The following TMEM130 variants were observed in gnomAD, a reference collection of about 807,000 sequenced individuals.
The protein encoded by TMEM130 is transmembrane protein 130.
In TMEM130, 37 loss-of-function variants were observed where a neutral mutation model predicts 42.9. The observed-to-expected ratio is 0.86, with a 90% CI of 0.66 to 1.13. TMEM130 has a LOEUF of 1.13. TMEM130 is among the 50% of genes most tolerant of loss of function. The pLI is 0.00. For synonymous variants in TMEM130, 259 were observed against 237.7 expected (o/e 1.09, Z -0.82); for missense variants, 545 against 562.6 (o/e 0.97, Z 0.32).
chr7:98,860,376 G>T (rs782541302), intron 2 of TMEM130, 38 bp from the exon 3 acceptor site: 2 of 1,545,660 alleles, frequency 1.3e-6, no homozygotes, highest in East Asian at 2.3e-5. Context: ...GAGTCTTGGA[G>T]ATTCAGGGAT....
chr7:98,863,808 CTTCT>C (rs371600172), intron 1 of TMEM130, among the ~76,000 whole-genome samples: 52 of 145,224 alleles, frequency 3.6e-4, no homozygotes, highest in Middle Eastern at 3.5e-3. Context: ...CTTTCTTTCT[CTTCT>C]TTCTTTTTTT....
At position 98,851,526 on chromosome 7, in the gene TMEM130, G is replaced by GCCCC. The variant is rs1554398228; in HGVS notation, c.900_901insGGGG (p.Leu301GlyfsTer100). 4 of 1,614,024 alleles carry GCCCC rather than the reference G, an allele frequency of 2.5e-6. No individual in the cohort carries two copies. On this transcript the variant is annotated frameshift_variant, in exon 6 of 8. Transcript: ENST00000339375. LOFTEE classifies it high-confidence loss of function. The stretch of plus-strand genomic sequence containing the variant: ...CCAGGGTCCCTGAAGGTGTGGGTCA[G>GCCCC]GTTGTACGCTGTGCTGGCCACGGAC...
At chr7:98,867,470 TC>T (rs1794933854) in intron 1 of TMEM130, among the ~76,000 whole-genome samples, 1 of 151,978 alleles carries the variant, frequency 6.6e-6, no homozygotes, top group East Asian at 1.9e-4. Context: ...CTCCTCCCCA[TC>T]CCCTCCCTGC....
chr7:98,865,560 A>C (rs1013146071), intron 1 of TMEM130, among the ~76,000 whole-genome samples: 1 of 152,144 alleles, frequency 6.6e-6, no homozygotes, highest in Non-Finnish European at 1.5e-5. Flanking sequence ...GTGAGCCAAG[A>C]TTGCGCCACT....
rs1435740197 is a variant in TMEM130, at chr7:98,869,269, G to A, written c.85+508C>T. 5 of 1,288,406 alleles carry A rather than the reference G, an allele frequency of 3.9e-6. No individual in the cohort carries two copies. The highest frequency in any genetic ancestry group is 5.6e-5 in the East Asian group (1 of 17,884). 79.8% of individuals were successfully genotyped at this position (1,288,406 alleles called of 1,614,324 possible). On this transcript the variant is annotated intron_variant, in intron 1 of 7. Coordinates refer to ENST00000339375, the MANE Select transcript of TMEM130 (RefSeq NM_152913.3). The surrounding 1 kb of genome is among the most constrained non-coding windows in gnomAD (Gnocchi z 4.7). ...CCACCAGAGAGGAAATGGCAGCCTGGCCTCCTGGGCTCTAAATTCGCATCT... is the reference window on the plus strand; with the variant it reads ...CCACCAGAGAGGAAATGGCAGCCTGACCTCCTGGGCTCTAAATTCGCATCT...
At chr7:98,866,634 A>G (rs782408204) in intron 1 of TMEM130, 2 of 152,270 alleles carry the variant, frequency 1.3e-5, no homozygotes, top group Non-Finnish European at 2.9e-5. Context: ...TCTAGTGCCC[A>G]GGCAACTCTG....
chr7:98,850,275 T>TA (rs1562904822), intron 6 of TMEM130, among the ~76,000 whole-genome samples: 4 of 52,826 alleles, frequency 7.6e-5, no homozygotes, highest in Non-Finnish European at 1.2e-4. Flanking sequence ...ATATATATAT[T>TA]TTTTTTTTTT....
chr7:98,856,560 C>T (rs1794640220), intron 3 of TMEM130, among the ~76,000 whole-genome samples: 1 of 152,194 alleles, frequency 6.6e-6, no homozygotes, highest in African/African-American at 2.4e-5. Context: ...CCCAGTGGCA[C>T]AATCATGGCT....
Position 98,869,235 on chromosome 7 carries a change from T to C in TMEM130, c.85+542A>G, listed in dbSNP as rs1554401022. ...GAACCTGTCAGCTCCGGGTCCATTT[T>C]GGAAATCACCACCAGAGAGGAAATG... On this transcript the variant is annotated intron_variant, in intron 1 of 7. Transcript: ENST00000339375. This position sits in a 1 kb window ranked among gnomAD's most constrained non-coding sequence, Gnocchi z 4.7. The C allele has an allele frequency of 2.3e-6, 3 of 1,289,018 alleles. No homozygotes were observed. The highest frequency in any genetic ancestry group is 3.0e-6 in the Non-Finnish European group (3 of 988,730). The allele number at this position is 1,289,018 out of a possible 1,614,324, so 79.8% of individuals were successfully genotyped here.
chr7:98,869,148 A>T lies in TMEM130; in HGVS notation c.85+629T>A, dbSNP rs1794971379. ...GGTGCTGGCTTTCTGGCGGTGGGGA[A>T]GTGGGGGCAGTAGACACACAACCCT... is the stretch of plus-strand genomic sequence containing the variant. On this transcript the variant is annotated intron_variant, in intron 1 of 7. Coordinates refer to ENST00000339375, the MANE Select transcript of TMEM130 (RefSeq NM_152913.3). This position sits in a 1 kb window ranked among gnomAD's most constrained non-coding sequence, Gnocchi z 4.7. 3.2e-6 allele frequency: 4 copies of T among 1,256,726 alleles called. No homozygotes were observed. Among genetic ancestry groups the T allele is most frequent in the Non-Finnish European group, 4.1e-6 (4 of 973,370 alleles). The allele number at this position is 1,256,726 out of a possible 1,614,324, so 77.8% of individuals were successfully genotyped here. A position where few individuals can be genotyped will look rare whatever the true frequency, so the allele number is the denominator to read the frequency against.
At chr7:98,868,009 A>C (rs1286961185) in intron 1 of TMEM130, among the ~76,000 whole-genome samples, 1 of 152,168 alleles carries the variant, frequency 6.6e-6, no homozygotes, top group Non-Finnish European at 1.5e-5. Context: ...CAGGTGGATC[A>C]CCTGAGGCCA....
chr7:98,862,362 A>G (rs1440450766), intron 2 of TMEM130, among the ~76,000 whole-genome samples: 2 of 151,898 alleles, frequency 1.3e-5, no homozygotes, highest in African/African-American at 2.4e-5. Flanking sequence ...GAGAAGGGAC[A>G]GAGAGAGACA....
At chr7:98,856,745 C>T (rs542085912) in intron 3 of TMEM130, among the ~76,000 whole-genome samples, 1 of 152,206 alleles carries the variant, frequency 6.6e-6, no homozygotes, top group South Asian at 2.1e-4. Flanking sequence ...GATCCTCTGA[C>T]CTCAGCCTCC....
chr7:98,857,248 A>G (rs1794653891), intron 3 of TMEM130, among the ~76,000 whole-genome samples: 1 of 152,182 alleles, frequency 6.6e-6, no homozygotes, highest in Non-Finnish European at 1.5e-5. Context: ...TTTCCTAAGT[A>G]AGTTAGAACT....
chr7:98,868,633 C>G (rs1042638562), intron 1 of TMEM130, among the ~76,000 whole-genome samples: 2 of 152,120 alleles, frequency 1.3e-5, no homozygotes, highest in African/African-American at 4.8e-5. Flanking sequence ...AAAGTCTCCC[C>G]GACGGGTGAG....
Position 98,860,186 on chromosome 7 carries a change from C to T in TMEM130, c.544G>A (p.Gly182Arg), listed in dbSNP as rs542883230. 51 of 1,612,452 alleles carry T rather than the reference C, an allele frequency of 3.2e-5. No individual in the cohort carries two copies. The highest frequency in any genetic ancestry group is 2.6e-4 in the South Asian group (24 of 90,720). ...AGAGGGGTAAGGACCTACCCGTCCC[C>T]GAAGTCCCAGCTGTAGAGAAACAAG... ...TALFLYSWDF[G>R]DGTQMVTEDS... Residue 182 changes from glycine to arginine, a missense_variant, in exon 3 of 8, where the codon GGG becomes AGG. Physicochemically the swap from Gly to Arg is moderately radical, Grantham distance 125. Coordinates refer to ENST00000339375, the MANE Select transcript of TMEM130 (RefSeq NM_152913.3).
At chr7:98,868,253 G>A (rs1255744382) in intron 1 of TMEM130, among the ~76,000 whole-genome samples, 1 of 152,138 alleles carries the variant, frequency 6.6e-6, no homozygotes, top group Non-Finnish European at 1.5e-5. Flanking sequence ...ATCTTTCCAT[G>A]TTTGGGAGTC....
rs782071795 is a variant in TMEM130, at chr7:98,863,373, T to A, written c.113A>T (p.Asp38Val). ...CACCGCTCCCGTGGTGGCAGGGCTA[T>A]CGGTGGTGAGATTGAGTTCATACAG... is the stretch of plus-strand genomic sequence containing the variant. Reference protein sequence around the residue: ...AGLYELNLTTDSPATTGAVVT... With the variant: ...AGLYELNLTTVSPATTGAVVT... The change falls in exon 2 of 8, where the codon GAT becomes GTT. Residue 38 changes from aspartate to valine, a missense_variant. Coordinates refer to ENST00000339375, the MANE Select transcript of TMEM130 (RefSeq NM_152913.3). 42 of 1,599,638 alleles carry A rather than the reference T, an allele frequency of 2.6e-5. No homozygotes were observed. Among genetic ancestry groups the A allele is most frequent in the Non-Finnish European group, 3.5e-5 (41 of 1,175,946 alleles).
chr7:98,847,977 T>G lies in TMEM130; in HGVS notation c.*79A>C. On this transcript the variant is annotated 3_prime_UTR_variant, in exon 8 of 8. Transcript: ENST00000339375. ...CCCCACGCAAATGAACCCCTCCTGGTCAGTGGTGCACACCACCCTGCTGGA... is the reference window on the plus strand; with the variant it reads ...CCCCACGCAAATGAACCCCTCCTGGGCAGTGGTGCACACCACCCTGCTGGA... The G allele has an allele frequency of 7.1e-7, 1 of 1,417,886 alleles. No individual in the cohort carries two copies. The highest frequency in any genetic ancestry group is 9.8e-7 in the Non-Finnish European group (1 of 1,024,418). 87.8% of individuals were successfully genotyped at this position (1,417,886 alleles called of 1,614,324 possible).
Sources: allele counts gnomAD v4.1 joint callset (sites outside exome capture counted in the v4.1 genomes callset), GRCh38; gene constraint gnomAD v4.1.1; non-coding constraint Gnocchi (gnomAD v3.1); transcripts MANE v1.5; gene names NCBI Gene and HGNC (gene_info 2026-07-23, HGNC 2026-07-21).